The following CGGBP1 variants were observed in gnomAD, a reference collection of about 807,000 sequenced individuals.
CGGBP1 encodes CGG triplet repeat binding protein 1, also known as CGG triplet repeat-binding protein 1.
A neutral mutation model predicts 11.4 loss-of-function variants in CGGBP1; 4 were observed. That is an observed-to-expected ratio of 0.35 (90% CI 0.17 to 0.80). CGGBP1 has a LOEUF of 0.80. Ranked by LOEUF, CGGBP1 falls within the 30% of genes least tolerant of loss-of-function variation. CGGBP1 has a pLI of 0.52. For synonymous variants in CGGBP1, 76 were observed against 74.1 expected, an observed-to-expected ratio of 1.03 and a Z score of -0.13; for missense variants, 135 against 202.1, an observed-to-expected ratio of 0.67 and a Z score of 2.01.
intron 2 of CGGBP1, among the ~76,000 whole-genome samples, chr3:88,137,224 T>C (rs1209889835): frequency 1.4e-5 from 2 of 142,154 alleles, no homozygotes; most frequent in African/African-American, 5.2e-5. Context: ...AAAAAGGATG[T>C]AGATAGAAGT....
chr3:88,090,789 C>T (rs1282348162), intron 2 of CGGBP1, among the ~76,000 whole-genome samples: 1 of 152,036 alleles, frequency 6.6e-6, no homozygotes, highest in East Asian at 1.9e-4. Flanking sequence ...GCTTCCCTGG[C>T]CACATTGGAA....
intron 2 of CGGBP1, among the ~76,000 whole-genome samples, chr3:88,066,642 A>C (rs1331274781): frequency 2.0e-5 from 3 of 152,140 alleles, no homozygotes; most frequent in Non-Finnish European, 4.4e-5. Flanking sequence ...AAATATATTT[A>C]AATGGAGTCA....
At chr3:88,140,566 A>T in intron 2 of CGGBP1, 2 of 1,613,782 alleles carry the variant, frequency 1.2e-6, no homozygotes. Context: ...ATAGAGCCAA[A>T]TTCTGAAAAT....
At chr3:88,136,729 T>G (rs935063561) in intron 2 of CGGBP1, among the ~76,000 whole-genome samples, 4 of 152,128 alleles carry the variant, frequency 2.6e-5, no homozygotes, top group African/African-American at 9.7e-5. Flanking sequence ...CGGAGATACT[T>G]AAAGGGATTT....
intron 2 of CGGBP1, among the ~76,000 whole-genome samples, chr3:88,132,237 G>C (rs1200199682): frequency 6.7e-6 from 1 of 149,318 alleles, no homozygotes; most frequent in Admixed American, 6.7e-5. Context: ...GGTCAAGTTT[G>C]AAAAAAAAAA....
intron 2 of CGGBP1, among the ~76,000 whole-genome samples, chr3:88,065,402 T>G (rs1345702988): frequency 6.6e-6 from 1 of 152,160 alleles, no homozygotes; most frequent in Admixed American, 6.5e-5. Context: ...TGACTATTAT[T>G]AGGGGAGTTA....
intron 1 of CGGBP1, among the ~76,000 whole-genome samples, chr3:88,145,938 C>G (rs1559743494): frequency 6.6e-6 from 1 of 152,112 alleles, no homozygotes. Flanking sequence ...CAGATGTGTC[C>G]TAAAACCATG....
rs534704935 is a variant in CGGBP1 at position 88,080,976 on chromosome 3, C to T, written c.-228-22753G>A. On this transcript the variant is annotated intron_variant, in intron 2 of 3. Coordinates refer to the CGGBP1 transcript ENST00000462901. ...TCTTTTCCCATTCCAGGATGTTATC[C>T]GTGATCTCACGTTGTATTTAGTTGT... 1.3e-4 allele frequency among the ~76,000 whole-genome samples: 20 copies of T among 152,224 alleles called. No individual in the cohort carries two copies. The South Asian group carries it at 2.3e-3, about 17-fold the overall frequency.
At chr3:88,135,265 C>A (rs1287824238) in intron 2 of CGGBP1, 3 of 1,256,360 alleles carry the variant, frequency 2.4e-6, no homozygotes, top group Non-Finnish European at 3.1e-6. Context: ...AAACTTGAAT[C>A]TCTTTTGATA....
At chr3:88,059,622 G>T (rs994103258), upstream of CGGBP1, 3 of 1,375,434 alleles carry the variant, frequency 2.2e-6, no homozygotes, top group Admixed American at 9.6e-5. Context: ...CCCCAACAAG[G>T]AGGGTGAGGC....
chr3:88,098,253 C>A (rs1252913174), intron 2 of CGGBP1, among the ~76,000 whole-genome samples: 1 of 152,160 alleles, frequency 6.6e-6, no homozygotes. Flanking sequence ...AATTCCTGCA[C>A]ACATACACCC....
intron 2 of CGGBP1, among the ~76,000 whole-genome samples, chr3:88,096,433 G>C (rs183322135): frequency 2.0e-5 from 3 of 152,114 alleles, no homozygotes; most frequent in African/African-American, 7.2e-5. Flanking sequence ...GGGGTAAGGG[G>C]AGAAAGACCC....
At chr3:88,067,993 A>G (rs1166935611) in intron 2 of CGGBP1, among the ~76,000 whole-genome samples, 1 of 152,050 alleles carries the variant, frequency 6.6e-6, no homozygotes, top group South Asian at 2.1e-4. Context: ...GATTATCTAT[A>G]TTATAAGACC....
intron 2 of CGGBP1, chr3:88,138,969 C>T: frequency 8.0e-7 from 1 of 1,245,812 alleles, no homozygotes; most frequent in Non-Finnish European, 1.0e-6. Flanking sequence ...AAATCGTGTT[C>T]GTTTTGAATT....
intron 2 of CGGBP1, among the ~76,000 whole-genome samples, chr3:88,126,422 A>C (rs899559525): frequency 4.6e-5 from 7 of 152,094 alleles, no homozygotes; most frequent in African/African-American, 1.4e-4. Flanking sequence ...TGTTTTTCTA[A>C]ACTGGCCCAA....
At chr3:88,115,531 T>G (rs1705338234) in intron 2 of CGGBP1, among the ~76,000 whole-genome samples, 1 of 152,194 alleles carries the variant, frequency 6.6e-6, no homozygotes, top group South Asian at 2.1e-4. Flanking sequence ...TTCTCAAGTC[T>G]TACTACTTGG....
At chr3:88,135,065 T>C in intron 2 of CGGBP1, 1 of 1,408,882 alleles carries the variant, frequency 7.1e-7, no homozygotes, top group Non-Finnish European at 9.2e-7. Context: ...TTACAGGGAG[T>C]TGATTTTCAT....
chr3:88,104,011 C>T (rs1458266095), intron 2 of CGGBP1, among the ~76,000 whole-genome samples: 3 of 151,990 alleles, frequency 2.0e-5, no homozygotes, highest in Non-Finnish European at 4.4e-5. Context: ...ATCCACCTGC[C>T]TCGGCCTCTG....
At chr3:88,087,728 G>A (rs930775956) in intron 2 of CGGBP1, among the ~76,000 whole-genome samples, 6 of 152,158 alleles carry the variant, frequency 3.9e-5, no homozygotes, top group Non-Finnish European at 7.3e-5. Flanking sequence ...TGTCTCATAG[G>A]ATAAGTATTA....
Sources: gnomAD v4.1 joint callset for allele counts (sites outside exome capture counted in the v4.1 genomes callset) on GRCh38, gnomAD v4.1.1 for gene constraint, MANE v1.5 for transcripts, NCBI Gene and HGNC (gene_info 2026-07-23, HGNC 2026-07-21) for gene names.